Variants in SLC22A3 observed in about 807,000 individuals in gnomAD.
SLC22A3 encodes the protein solute carrier family 22 member 3.
In SLC22A3, 51 loss-of-function variants were observed where a neutral mutation model predicts 59.1. The ratio of observed to expected loss-of-function variants is 0.86; its 90% CI spans 0.69 to 1.09. The LOEUF is 1.09. Among genes scored for constraint, SLC22A3 ranks in the 50% least tolerant of loss-of-function variants. The pLI is 0.00. For synonymous variants in SLC22A3, 325 were observed against 292.0 expected, an observed-to-expected ratio of 1.11 and a Z score of -1.15; for missense variants, 711 against 726.3, an observed-to-expected ratio of 0.98 and a Z score of 0.24.
At chr6:160,399,738 T>C (rs1317420995) in intron 2 of SLC22A3, among the ~76,000 whole-genome samples, 1 of 152,218 alleles carries the variant, frequency 6.6e-6, no homozygotes, top group Non-Finnish European at 1.5e-5. Context: ...TTGGGGCTTC[T>C]GGTTTCCTGT....
chr6:160,399,989 C>T (rs952065923), intron 2 of SLC22A3, among the ~76,000 whole-genome samples: 3 of 151,180 alleles, frequency 2.0e-5, no homozygotes. Context: ...TAAACATGAA[C>T]TGTAATTGAT....
chr6:160,363,097 G>A (rs1007449802), intron 1 of SLC22A3, among the ~76,000 whole-genome samples: 2 of 152,242 alleles, frequency 1.3e-5, no homozygotes, highest in Middle Eastern at 3.2e-3. Context: ...TGCGCACAGT[G>A]TTGCCGAGGG....
chr6:160,430,318 A>G (rs1357549398), intron 5 of SLC22A3, among the ~76,000 whole-genome samples: 1 of 152,202 alleles, frequency 6.6e-6, no homozygotes, highest in African/African-American at 2.4e-5. Flanking sequence ...AAATGTTCTG[A>G]GTAGAATACC....
rs374972939 is a variant in SLC22A3, at chr6:160,348,797, G to C, written c.378G>C (p.Pro126=). The part of the protein sequence containing the change: ...AFPNRSAPLV[P]CRGGWRYAQA... ...CCAACCGCTCGGCTCCCCTTGTGCC[G>C]TGCCGCGGCGGCTGGCGCTACGCCC... The change falls in exon 1 of 11, where the codon CCG becomes CCC. Residue 126 remains proline, a synonymous_variant. Coordinates refer to ENST00000275300, the MANE Select transcript of SLC22A3 (RefSeq NM_021977.4). 1 of 1,576,928 alleles carries C rather than the reference G, an allele frequency of 6.3e-7. No homozygotes were observed. The highest frequency in any genetic ancestry group is 8.6e-7 in the Non-Finnish European group (1 of 1,169,584).
chr6:160,354,035 G>A (rs996878698), intron 1 of SLC22A3, among the ~76,000 whole-genome samples: 7 of 152,144 alleles, frequency 4.6e-5, no homozygotes, highest in Non-Finnish European at 8.8e-5. Context: ...ACTGGGGAGC[G>A]GGGGAAGCCC....
intron 5 of SLC22A3, among the ~76,000 whole-genome samples, chr6:160,424,508 T>C (rs1787877772): frequency 6.6e-6 from 1 of 152,228 alleles, no homozygotes; most frequent in Admixed American, 6.5e-5. Context: ...TACCTGTTGC[T>C]GAGAGTCTTG....
chr6:160,367,900 C>T (rs879875232), intron 1 of SLC22A3, among the ~76,000 whole-genome samples: 1 of 152,188 alleles, frequency 6.6e-6, no homozygotes, highest in Admixed American at 6.5e-5. Flanking sequence ...ACCTCCTCTT[C>T]CTCCTCCATC....
At chr6:160,396,002 G>A (rs1424768652) in intron 1 of SLC22A3, among the ~76,000 whole-genome samples, 2 of 152,186 alleles carry the variant, frequency 1.3e-5, no homozygotes, top group Admixed American at 6.5e-5. Context: ...GATTTGCAAA[G>A]ATGATCACAG....
intron 1 of SLC22A3, among the ~76,000 whole-genome samples, chr6:160,354,790 T>C (rs1438808990): frequency 6.6e-6 from 1 of 151,976 alleles, no homozygotes; most frequent in Non-Finnish European, 1.5e-5. Context: ...AAAAATAAAA[T>C]AAAATATCTC....
intron 1 of SLC22A3, among the ~76,000 whole-genome samples, chr6:160,388,875 A>G (rs1454169505): frequency 6.6e-6 from 1 of 152,244 alleles, no homozygotes; most frequent in Non-Finnish European, 1.5e-5. Context: ...AGAGTAAAGG[A>G]ACAGAGAAAG....
intron 10 of SLC22A3, among the ~76,000 whole-genome samples, chr6:160,449,401 T>C (rs1254000251): frequency 6.6e-6 from 1 of 152,122 alleles, no homozygotes; most frequent in Non-Finnish European, 1.5e-5. Flanking sequence ...AAAAGTTGGG[T>C]ACATTAATTA....
intron 1 of SLC22A3, among the ~76,000 whole-genome samples, chr6:160,376,518 A>T (rs1583458071): frequency 7.4e-6 from 1 of 134,772 alleles, no homozygotes; most frequent in African/African-American, 3.0e-5. Context: ...ACTTAAACTA[A>T]ACTAAAATTT....
At chr6:160,421,701 A>G (rs1247970115) in intron 5 of SLC22A3, among the ~76,000 whole-genome samples, 1 of 152,192 alleles carries the variant, frequency 6.6e-6, no homozygotes, top group Non-Finnish European at 1.5e-5. Flanking sequence ...GGAGTTGTGT[A>G]GGCATCTAAT....
Position 160,451,190 on chromosome 6 carries a change from A to G in SLC22A3, c.*134A>G, listed in dbSNP as rs916077848. On this transcript the variant is annotated 3_prime_UTR_variant, in exon 11 of 11. Transcript: ENST00000275300. ...GTTGTAATACTGTATAAAGACCTCA[A>G]TCTATCCAGAGTATTTTTATATAAT... 5.3e-6 allele frequency: 4 copies of G among 755,174 alleles called. No homozygotes were observed. Among genetic ancestry groups the G allele is most frequent in the South Asian group, 1.5e-5 (1 of 64,826 alleles). 46.8% of individuals were successfully genotyped at this position (755,174 alleles called of 1,614,324 possible). A position where few individuals can be genotyped will look rare whatever the true frequency, so the allele number is the denominator to read the frequency against.
chr6:160,445,744 T>G (rs1000358027), intron 9 of SLC22A3, among the ~76,000 whole-genome samples: 3 of 152,144 alleles, frequency 2.0e-5, no homozygotes, highest in African/African-American at 7.2e-5. Flanking sequence ...GAAAGCATGG[T>G]GACCTGAGAA....
intron 5 of SLC22A3, among the ~76,000 whole-genome samples, chr6:160,434,012 G>A (rs1788251174): frequency 6.6e-6 from 1 of 152,170 alleles, no homozygotes. Flanking sequence ...TGTAGACAAG[G>A]GATCCTGTCA....
At chr6:160,398,734 A>G (rs1786629616) in intron 2 of SLC22A3, among the ~76,000 whole-genome samples, 1 of 152,176 alleles carries the variant, frequency 6.6e-6, no homozygotes, top group South Asian at 2.1e-4. Context: ...CTCTATTTTT[A>G]ATTCCAATTC....
chr6:160,435,878 C>G (rs1316805460), intron 5 of SLC22A3, among the ~76,000 whole-genome samples: 2 of 152,158 alleles, frequency 1.3e-5, no homozygotes, highest in Non-Finnish European at 2.9e-5. Flanking sequence ...TTGTTGAACA[C>G]CAGGCACTTT....
chr6:160,366,309 G>C (rs1348588957), intron 1 of SLC22A3, among the ~76,000 whole-genome samples: 1 of 152,170 alleles, frequency 6.6e-6, no homozygotes, highest in Non-Finnish European at 1.5e-5. Flanking sequence ...ACAGGCATTG[G>C]GTAAATACAG....
Sources: allele counts gnomAD v4.1 joint callset (sites outside exome capture counted in the v4.1 genomes callset), GRCh38; gene constraint gnomAD v4.1.1; transcripts MANE v1.5; gene names NCBI Gene and HGNC (gene_info 2026-07-23, HGNC 2026-07-21).